RALGAPA1: variants seen among roughly 807,000 people sequenced by gnomAD.
RALGAPA1 encodes the protein ral GTPase-activating protein subunit alpha-1.
RALGAPA1 carries 52 observed loss-of-function variants against 269.6 expected under a neutral mutation model. That is an observed-to-expected ratio of 0.19 (90% CI 0.15 to 0.24). The LOEUF (loss-of-function observed/expected upper bound fraction) is 0.24. Among genes scored for constraint, RALGAPA1 ranks in the 10% least tolerant of loss-of-function variants. RALGAPA1 has a pLI of 1.00. For synonymous variants in RALGAPA1, 817 were observed against 1,008.3 expected, an observed-to-expected ratio of 0.81 and a Z score of 3.60; for missense variants, 1,917 against 3,013.9, an observed-to-expected ratio of 0.64 and a Z score of 8.52.
chr14:35,787,339 G>A (rs2075866535), intron 1 of RALGAPA1, among the ~76,000 whole-genome samples: 2 of 152,160 alleles, frequency 1.3e-5, no homozygotes, highest in South Asian at 4.1e-4. Context: ...ACAGTAAGTG[G>A]CTTAGCCCTA....
intron 12 of RALGAPA1, among the ~76,000 whole-genome samples, chr14:35,737,702 T>G (rs1225099887): frequency 8.1e-6 from 1 of 123,944 alleles, no homozygotes; most frequent in Admixed American, 1.1e-4. Flanking sequence ...GAGGTTGCAG[T>G]GAGCCGAGAT....
intron 12 of RALGAPA1, among the ~76,000 whole-genome samples, chr14:35,734,842 A>G (rs2070826716): frequency 1.3e-5 from 2 of 152,212 alleles, no homozygotes; most frequent in South Asian, 2.1e-4. Flanking sequence ...ATGAATTCAA[A>G]TAAATCAGTA....
chr14:35,777,163 AC>A (rs1191751359), intron 1 of RALGAPA1, among the ~76,000 whole-genome samples: 8 of 152,220 alleles, frequency 5.3e-5, no homozygotes, highest in Admixed American at 5.2e-4. Flanking sequence ...TATTTTGTTA[AC>A]AAAATATATT....
chr14:35,584,865 A>C (rs2058178774), intron 37 of RALGAPA1, among the ~76,000 whole-genome samples: 1 of 152,172 alleles, frequency 6.6e-6, no homozygotes, highest in African/African-American at 2.4e-5. Context: ...ATTAATAATC[A>C]CTTTAAGAAT....
chr14:35,669,061 T>C (rs901248620), intron 26 of RALGAPA1, among the ~76,000 whole-genome samples: 1 of 152,170 alleles, frequency 6.6e-6, no homozygotes, highest in Non-Finnish European at 1.5e-5. Context: ...AAACAAATAC[T>C]ACTAATCTTT....
In RALGAPA1 at chr14:35,690,000, A is replaced by G; in HGVS notation, c.2411T>C (p.Ile804Thr). 1 of 1,563,042 alleles carries G rather than the reference A, an allele frequency of 6.4e-7. No homozygotes were observed. The highest frequency in any genetic ancestry group is 8.6e-7 in the Non-Finnish European group (1 of 1,163,024). The change falls in exon 18 of 42, where the codon ATT (isoleucine) becomes ACT (threonine). Residue 804 changes from isoleucine to threonine, a missense_variant. Physicochemically the swap from Ile to Thr is moderately conservative, Grantham distance 89 (BLOSUM62 -1). Coordinates refer to ENST00000680220, the MANE Select transcript of RALGAPA1 (RefSeq NM_001346249.2). ...GCGGGGAAGTATTTGAGCATCATCA[A>G]TATCTGTAAAAGAAAAAAAAATTAT... ...LTPLSDELSDIDDAQILPRST... is the reference protein window; with the variant it reads ...LTPLSDELSDTDDAQILPRST...
chr14:35,582,402 C>G (rs1470169454), intron 37 of RALGAPA1, among the ~76,000 whole-genome samples: 1 of 152,188 alleles, frequency 6.6e-6, no homozygotes, highest in East Asian at 1.9e-4. Flanking sequence ...GCCGAACAAA[C>G]TGAAAATCAA....
intron 31 of RALGAPA1, among the ~76,000 whole-genome samples, chr14:35,638,106 G>A (rs2061779173): frequency 6.6e-6 from 1 of 152,162 alleles, no homozygotes; most frequent in Non-Finnish European, 1.5e-5. Flanking sequence ...ATGTTAATGA[G>A]CAGTAAGAAA....
At chr14:35,549,849 G>A (rs2139107682) in intron 39 of RALGAPA1, among the ~76,000 whole-genome samples, 1 of 152,206 alleles carries the variant, frequency 6.6e-6, no homozygotes, top group Non-Finnish European at 1.5e-5. Flanking sequence ...AGCTGAATCT[G>A]TATGCTGGGA....
chr14:35,637,880 T>C lies in RALGAPA1; in HGVS notation c.5677-2282A>G, dbSNP rs565703717. ...ATACATTTGGAAGCAGACTTCTCAG[T>C]AGAAATCTTACAGGCCAGGAGAGAA... On this transcript the variant is annotated intron_variant, in intron 31 of 41. Transcript: ENST00000680220. Among the ~76,000 whole-genome samples the C allele has an allele frequency of 2.0e-5, 3 of 152,298 alleles. No homozygotes were observed. In the South Asian group the frequency reaches 6.2e-4, roughly 32 times the overall value.
chr14:35,541,938 T>A, intron 41 of RALGAPA1: 1 of 891,708 alleles, frequency 1.1e-6, no homozygotes, highest in Non-Finnish European at 1.6e-6. Context: ...GGAATCAAGG[T>A]TTTTATTATG....
intron 1 of RALGAPA1, among the ~76,000 whole-genome samples, chr14:35,798,478 G>A (rs187985993): frequency 4.9e-4 from 74 of 152,304 alleles, no homozygotes; most frequent in African/African-American, 1.7e-3. Context: ...TGCCCAGCCT[G>A]TAAGAGAAGA....
At chr14:35,704,822 T>C (rs2067663783) in intron 16 of RALGAPA1, among the ~76,000 whole-genome samples, 1 of 152,044 alleles carries the variant, frequency 6.6e-6, no homozygotes. Flanking sequence ...AAGGAAATAA[T>C]TCATAAAAGA....
intron 35 of RALGAPA1, among the ~76,000 whole-genome samples, chr14:35,622,284 T>G (rs1327021682): frequency 6.6e-6 from 1 of 151,900 alleles, no homozygotes; most frequent in Non-Finnish European, 1.5e-5. Context: ...AAACACCACA[T>G]GTGCTCATCC....
intron 35 of RALGAPA1, among the ~76,000 whole-genome samples, chr14:35,622,370 T>A (rs959935325): frequency 6.6e-6 from 1 of 150,762 alleles, no homozygotes; most frequent in African/African-American, 2.4e-5. Flanking sequence ...GTTGGGGGAT[T>A]GGGGGCTGGG....
At chr14:35,727,481 G>C (rs1355429433) in intron 13 of RALGAPA1, among the ~76,000 whole-genome samples, 1 of 151,064 alleles carries the variant, frequency 6.6e-6, no homozygotes, top group Non-Finnish European at 1.5e-5. Context: ...TGAATTTTAT[G>C]ATAAACATTT....
At chr14:35,663,136 T>A in intron 27 of RALGAPA1, among the ~76,000 whole-genome samples, 1 of 152,076 alleles carries the variant, frequency 6.6e-6, no homozygotes, top group Admixed American at 6.5e-5. Context: ...ACTCCTGGAC[T>A]CAAGCAATCC....
chr14:35,562,000 TTGAAG>T (rs2056299177), intron 39 of RALGAPA1, among the ~76,000 whole-genome samples: 1 of 152,206 alleles, frequency 6.6e-6, no homozygotes, highest in African/African-American at 2.4e-5. Context: ...GACATTTTAT[TTGAAG>T]AATTATCTTC....
chr14:35,780,869 C>G (rs924585269), intron 1 of RALGAPA1, among the ~76,000 whole-genome samples: 1 of 152,110 alleles, frequency 6.6e-6, no homozygotes, highest in Non-Finnish European at 1.5e-5. Flanking sequence ...AGGCAGGAGT[C>G]TCAATTGAGC....
Sources: gnomAD v4.1 joint callset for allele counts (sites outside exome capture counted in the v4.1 genomes callset) on GRCh38, gnomAD v4.1.1 for gene constraint, MANE v1.5 for transcripts, NCBI Gene and HGNC (gene_info 2026-07-23, HGNC 2026-07-21) for gene names.